The following TOLLIP variants were observed in gnomAD, a reference collection of about 807,000 sequenced individuals.
The protein encoded by TOLLIP is toll interacting protein.
Under a neutral mutation model 33.5 loss-of-function variants are expected in TOLLIP, and 16 were observed. That is an observed-to-expected ratio of 0.48 (90% CI 0.32 to 0.72). The LOEUF (loss-of-function observed/expected upper bound fraction) is 0.72, where lower values mean the gene tolerates loss of function less well. Among genes scored for constraint, TOLLIP ranks in the 30% least tolerant of loss-of-function variants. The probability of loss-of-function intolerance (pLI) is 0.03; values close to 1 mark genes in which losing one functional copy is unlikely to be tolerated. For synonymous variants in TOLLIP, 176 were observed against 163.7 expected (o/e 1.07, Z -0.57); for missense variants, 325 against 396.6 (o/e 0.82, Z 1.53).
rs373267419 is a variant in TOLLIP at position 1,288,605 on chromosome 11, G to A, written c.519+19C>T. ...AACATACCCCAATGCGCCCCACCCC[G>A]CCCAGGCGTGCAGCTCACCGCGTAG... On this transcript the variant is annotated intron_variant, in intron 4 of 5. Transcript: ENST00000317204. 94 of 1,599,420 alleles carry A rather than the reference G, an allele frequency of 5.9e-5. No individual in the cohort carries two copies. The highest frequency in any genetic ancestry group is 7.3e-5 in the Non-Finnish European group (86 of 1,172,222).
intron 1 of TOLLIP, 49 bp downstream of exon 1, chr11:1,309,417 C>T (rs1237443778): frequency 1.7e-6 from 2 of 1,170,098 alleles, no homozygotes; most frequent in Non-Finnish European, 1.1e-6. Context: ...AGGCCCCGCC[C>T]GCAACCGCAG....
At chr11:1,295,603 C>T (rs557609742) in intron 2 of TOLLIP, 42 bp downstream of exon 2, 33 of 1,461,386 alleles carry the variant, frequency 2.3e-5, no homozygotes, top group Middle Eastern at 1.9e-4. Flanking sequence ...CCCCACCGAG[C>T]GCACCAGCCC....
At chr11:1,301,986 C>T (rs923968850) in intron 1 of TOLLIP, among the ~76,000 whole-genome samples, 1 of 152,226 alleles carries the variant, frequency 6.6e-6, no homozygotes, top group African/African-American at 2.4e-5. Context: ...TAGAACAGCA[C>T]AGTTGGTCCA....
chr11:1,288,545 G>T, intron 4 of TOLLIP, 79 bp downstream of exon 4: 1 of 1,477,854 alleles, frequency 6.8e-7, no homozygotes. Flanking sequence ...AAGAGACAAG[G>T]GTGTCTGTGG....
chr11:1,291,859 C>T (rs1274354370), intron 2 of TOLLIP: 1 of 161,756 alleles, frequency 6.2e-6, no homozygotes, highest in Non-Finnish European at 1.4e-5. Context: ...CCTCACCGAC[C>T]CCCGAGGGCA....
At chr11:1,285,873 G>A (rs1304763921) in intron 5 of TOLLIP, 129 bp downstream of exon 5, 9 of 606,820 alleles carry the variant, frequency 1.5e-5, no homozygotes, top group East Asian at 1.3e-4. Context: ...CGGTCAGCAC[G>A]TCTACAGGAT....
At chr11:1,300,942 T>C (rs1864257110) in intron 1 of TOLLIP, among the ~76,000 whole-genome samples, 1 of 152,270 alleles carries the variant, frequency 6.6e-6, no homozygotes, top group Non-Finnish European at 1.5e-5. Flanking sequence ...GAGGTGCTGT[T>C]TGTGTCTGTG....
rs965889513 is a variant in TOLLIP, at chr11:1,278,577, C to G, written c.611-1324G>C. ...GAAGGCCACCGCTTCCCGGCTCCTT[C>G]TAGGCCAGGCCGACTCTTCCTCCAC... On this transcript the variant is annotated intron_variant, in intron 5 of 5. Coordinates refer to ENST00000317204, the MANE Select transcript of TOLLIP (RefSeq NM_019009.4). The surrounding 1 kb of genome is among the most constrained non-coding windows in gnomAD (Gnocchi z 4.7). Among the ~76,000 whole-genome samples the G allele has an allele frequency of 9.9e-5, 15 of 152,176 alleles. No homozygotes were observed. The highest frequency in any genetic ancestry group is 3.6e-4 in the African/African-American group (15 of 41,444).
chr11:1,295,887 C>T, intron 1 of TOLLIP, 93 bp from the exon 2 acceptor site: 1 of 1,436,448 alleles, frequency 7.0e-7, no homozygotes, highest in Non-Finnish European at 9.3e-7. Flanking sequence ...GCGGCCCCGC[C>T]CCCACCCATG....
intron 1 of TOLLIP, among the ~76,000 whole-genome samples, chr11:1,307,711 A>G (rs1026885196): frequency 6.6e-6 from 1 of 152,186 alleles, no homozygotes; most frequent in East Asian, 1.9e-4. Flanking sequence ...CTGCCACGGC[A>G]ACTTGCGGGG....
Position 1,309,608 on chromosome 11 carries a change from G to A in TOLLIP, c.-110C>T, listed in dbSNP as rs1864535720. On this transcript the variant is annotated 5_prime_UTR_variant, in exon 1 of 6. Transcript: ENST00000317204. ...AGACAGTTGTCACCTCGAGGCCGCCGCCGCCACAGTCAGCTGACAGCCGCC... is the reference window on the plus strand; with the variant it reads ...AGACAGTTGTCACCTCGAGGCCGCCACCGCCACAGTCAGCTGACAGCCGCC... The A allele has an allele frequency of 4.7e-6, 2 of 423,452 alleles. No individual in the cohort carries two copies. The highest frequency in any genetic ancestry group is 7.6e-6 in the Non-Finnish European group (2 of 262,416). The allele number at this position is 423,452 out of a possible 1,614,324, so 26.2% of individuals were successfully genotyped here.
intron 1 of TOLLIP, among the ~76,000 whole-genome samples, chr11:1,297,368 C>G (rs902335030): frequency 6.6e-6 from 1 of 152,222 alleles, no homozygotes; most frequent in South Asian, 2.1e-4. Context: ...CCATCTAAGG[C>G]CTGGAGCGCA....
chr11:1,279,853 G>T lies in TOLLIP; in HGVS notation c.611-2600C>A, dbSNP rs112321894. On this transcript the variant is annotated intron_variant, in intron 5 of 5. Coordinates refer to ENST00000317204, the MANE Select transcript of TOLLIP (RefSeq NM_019009.4). The stretch of plus-strand genomic sequence containing the variant: ...TAAGTCCCGGCCGCCGGTGGGCAGG[G>T]GAGCATCAGCCCTGCTCAGGCTGAA... 1.3e-3 allele frequency among the ~76,000 whole-genome samples: 197 copies of T among 152,304 alleles called. 4 individuals are homozygous for T. Among genetic ancestry groups the T allele is most frequent in the African/African-American group, 4.6e-3 (191 of 41,566 alleles).
chr11:1,309,095 G>A (rs1864511118), intron 1 of TOLLIP, among the ~76,000 whole-genome samples: 1 of 151,594 alleles, frequency 6.6e-6, no homozygotes, highest in Non-Finnish European at 1.5e-5. Context: ...TCTGGGCACC[G>A]GGCCCTCCTC....
At chr11:1,287,298 G>A (rs569194504) in intron 4 of TOLLIP, among the ~76,000 whole-genome samples, 10 of 152,290 alleles carry the variant, frequency 6.6e-5, no homozygotes, top group East Asian at 3.9e-4. Context: ...TTTACACATC[G>A]TCACTCACGG....
intron 4 of TOLLIP, among the ~76,000 whole-genome samples, chr11:1,286,580 G>A (rs1055718317): frequency 4.0e-5 from 6 of 151,532 alleles, no homozygotes; most frequent in South Asian, 2.1e-4. Flanking sequence ...CACCGCTGTC[G>A]TCTCTGAGTT....
At chr11:1,304,238 C>A (rs925705247) in intron 1 of TOLLIP, among the ~76,000 whole-genome samples, 2 of 152,034 alleles carry the variant, frequency 1.3e-5, no homozygotes, top group Non-Finnish European at 2.9e-5. Flanking sequence ...TGACCGTCCA[C>A]CGGGAGTACT....
chr11:1,309,430 C>G (rs771337221), intron 1 of TOLLIP, 36 bp downstream of exon 1: 1 of 1,239,960 alleles, frequency 8.1e-7, no homozygotes, highest in Admixed American at 3.9e-5. Flanking sequence ...AACCGCAGGT[C>G]ACCGCCCCCG....
In TOLLIP at chr11:1,278,796, C is replaced by A. The variant is rs998590401; in HGVS notation, c.611-1543G>T. On this transcript the variant is annotated intron_variant, in intron 5 of 5. Coordinates refer to ENST00000317204, the MANE Select transcript of TOLLIP (RefSeq NM_019009.4). This position sits in a 1 kb window ranked among gnomAD's most constrained non-coding sequence, Gnocchi z 4.7. ...GGCCAGGTGGGGACGTGGCCACCCT[C>A]ACCACCCTTTCTTCTTCCTCAAACA... is the stretch of plus-strand genomic sequence containing the variant. Among the ~76,000 whole-genome samples, 56 of 152,224 alleles carry A rather than the reference C, an allele frequency of 3.7e-4. No homozygotes were observed. The highest frequency in any genetic ancestry group is 1.3e-3 in the African/African-American group (55 of 41,462).
Sources: allele counts gnomAD v4.1 joint callset (sites outside exome capture counted in the v4.1 genomes callset), GRCh38; gene constraint gnomAD v4.1.1; non-coding constraint Gnocchi (gnomAD v3.1); transcripts MANE v1.5; gene names NCBI Gene and HGNC (gene_info 2026-07-23, HGNC 2026-07-21).